TGFBR3: variants seen among roughly 807,000 people sequenced by gnomAD.
The protein encoded by TGFBR3 is transforming growth factor beta receptor 3, also known as transforming growth factor beta receptor type 3.
In TGFBR3, 46 loss-of-function variants were observed where a neutral mutation model predicts 87.9. That is an observed-to-expected ratio of 0.52 (90% CI 0.41 to 0.67). TGFBR3 has a LOEUF of 0.67. Among genes scored for constraint, TGFBR3 ranks in the 30% least tolerant of loss-of-function variants. TGFBR3 has a pLI of 0.00. For missense variants in TGFBR3, 866 were observed against 1,041.9 expected (o/e 0.83, Z 2.32); for synonymous variants, 381 against 391.6 (o/e 0.97, Z 0.32).
chr1:91,798,109 A>C (rs1176181873), intron 2 of TGFBR3, among the ~76,000 whole-genome samples: 1 of 152,146 alleles, frequency 6.6e-6, no homozygotes, highest in Admixed American at 6.6e-5. Flanking sequence ...CTCTTCCTCT[A>C]ATCAGTCAAG....
chr1:91,902,271 T>TTTTTTG (rs534984244), intron 1 of TGFBR3, among the ~76,000 whole-genome samples: 6 of 148,250 alleles, frequency 4.0e-5, no homozygotes, highest in South Asian at 2.1e-4. Flanking sequence ...TCCTTTTCTT[T>TTTTTTG]TGTGTGTGTG....
At chr1:91,762,248 A>G (rs1160223139) in intron 3 of TGFBR3, among the ~76,000 whole-genome samples, 2 of 152,094 alleles carry the variant, frequency 1.3e-5, no homozygotes, top group Non-Finnish European at 2.9e-5. Context: ...CTCCTTACCA[A>G]ACCAAACCAA....
chr1:91,869,712 C>T (rs1175472274), intron 1 of TGFBR3, among the ~76,000 whole-genome samples: 1 of 152,150 alleles, frequency 6.6e-6, no homozygotes, highest in Non-Finnish European at 1.5e-5. Flanking sequence ...TAAATTAGAA[C>T]ATTTCTCAAT....
chr1:91,835,336 T>C (rs947689495), intron 2 of TGFBR3, among the ~76,000 whole-genome samples: 4 of 152,196 alleles, frequency 2.6e-5, no homozygotes, highest in Admixed American at 6.5e-5. Flanking sequence ...AAAAATTCTA[T>C]GTAGCTCTAC....
At chr1:91,865,737 C>T (rs1380311122) in intron 1 of TGFBR3, among the ~76,000 whole-genome samples, 1 of 150,992 alleles carries the variant, frequency 6.6e-6, no homozygotes, top group South Asian at 2.1e-4. Flanking sequence ...ATGGTGAAAC[C>T]CCGTTTCTAC....
intron 14 of TGFBR3, among the ~76,000 whole-genome samples, chr1:91,699,779 C>T (rs140122374): frequency 2.1e-3 from 324 of 152,338 alleles, no homozygotes; most frequent in African/African-American, 7.3e-3. Flanking sequence ...TTCCAGAGTT[C>T]TGCCTAGCAG....
At chr1:91,753,511 G>A (rs12127644) in intron 4 of TGFBR3, among the ~76,000 whole-genome samples, 23,966 of 150,650 alleles carry the variant, frequency 0.16, 2,023 homozygotes, top group East Asian at 0.25. Context: ...GTTTCTGTGT[G>A]TATTCACAAG....
intron 3 of TGFBR3, among the ~76,000 whole-genome samples, chr1:91,773,361 T>TA (rs1674452048): frequency 6.6e-6 from 1 of 151,954 alleles, no homozygotes; most frequent in Non-Finnish European, 1.5e-5. Flanking sequence ...TTTCAGCAAC[T>TA]AATAGAGTCA....
At chr1:91,696,500 A>G (rs542215427) in intron 15 of TGFBR3, among the ~76,000 whole-genome samples, 4 of 152,348 alleles carry the variant, frequency 2.6e-5, no homozygotes, top group Non-Finnish European at 5.9e-5. Context: ...ATGGTCAGCA[A>G]AACATATAAA....
In TGFBR3 at chr1:91,893,522, A is replaced by G. The variant is rs150909040; in HGVS notation, c.-114+6115T>C. 6.5e-3 allele frequency among the ~76,000 whole-genome samples: 991 copies of G among 152,254 alleles called. 7 individuals are homozygous for G. Among genetic ancestry groups the G allele is most frequent in the Non-Finnish European group, 1.0e-2 (678 of 68,018 alleles). ...GGTCTTGAACTCCTGACCTCAAGTG[A>G]TCTGCCCATCTCGGCCTCAAAGTGC... On this transcript the variant is annotated intron_variant, in intron 2 of 17. Coordinates refer to the TGFBR3 transcript ENST00000370399.
intron 7 of TGFBR3, 127 bp from the exon 8 acceptor site, chr1:91,722,271 CCT>C (rs1229880218): frequency 1.9e-5 from 16 of 845,640 alleles, no homozygotes; most frequent in Middle Eastern, 3.5e-4. Context: ...TCTTTTGACC[CCT>C]GTTTTCCTTG....
chr1:91,764,031 G>T (rs1481206319), intron 3 of TGFBR3, among the ~76,000 whole-genome samples: 1 of 151,920 alleles, frequency 6.6e-6, no homozygotes, highest in Non-Finnish European at 1.5e-5. Context: ...ATTTCTAGAA[G>T]AATATTAATC....
At chr1:91,810,121 C>T (rs772652894) in intron 2 of TGFBR3, among the ~76,000 whole-genome samples, 16 of 152,070 alleles carry the variant, frequency 1.1e-4, no homozygotes, top group Non-Finnish European at 2.1e-4. Flanking sequence ...TACCATGGTG[C>T]GATCTGGGCT....
chr1:91,805,732 T>A (rs367999590), intron 2 of TGFBR3, among the ~76,000 whole-genome samples: 7 of 152,328 alleles, frequency 4.6e-5, no homozygotes, highest in Middle Eastern at 3.4e-3. Flanking sequence ...TAACTCTTCA[T>A]ATGTATGGTT....
At position 91,682,832 on chromosome 1, in the gene TGFBR3, T is replaced by G. The variant is rs771282350; in HGVS notation, c.*907A>C. The G allele has an allele frequency of 4.4e-6, 2 of 453,682 alleles. No homozygotes were observed. The highest frequency in any genetic ancestry group is 4.4e-6 in the Non-Finnish European group (1 of 226,528). 28.1% of individuals were successfully genotyped at this position (453,682 alleles called of 1,614,324 possible). On this transcript the variant is annotated 3_prime_UTR_variant, in exon 17 of 17. Coordinates refer to ENST00000212355, the MANE Select transcript of TGFBR3 (RefSeq NM_003243.5). ...GAAAATGAATGTGCCAGGTGACATA[T>G]TATATACTTGTACTTGCATACACAT...
rs565568713 is a variant in TGFBR3 at position 91,798,937 on chromosome 1, C to G, written c.62-1466G>C. On this transcript the variant is annotated intron_variant, in intron 2 of 16. Coordinates refer to ENST00000212355, the MANE Select transcript of TGFBR3 (RefSeq NM_003243.5). ...TTGGCTGGATTGATAGAGACATACC[C>G]AGGGGAAGAAGGAACTGGATGCTTA... Among the ~76,000 whole-genome samples, 7 of 152,254 alleles carry G rather than the reference C, an allele frequency of 4.6e-5. No individual in the cohort carries two copies. The East Asian group carries it at 1.4e-3, about 29-fold the overall frequency.
At position 91,682,911 on chromosome 1, in the gene TGFBR3, C is replaced by T. The variant is rs1179271138; in HGVS notation, c.*828G>A. 2.2e-6 allele frequency: 1 copy of T among 453,398 alleles called. No homozygotes were observed. The highest frequency in any genetic ancestry group is 4.4e-6 in the Non-Finnish European group (1 of 226,002). The allele number at this position is 453,398 out of a possible 1,614,324, so 28.1% of individuals were successfully genotyped here. On this transcript the variant is annotated 3_prime_UTR_variant, in exon 17 of 17. Transcript: ENST00000212355. ...TTGACTTTATAACTGAATTTCACCTCAAATTATACATTAATTTGCAGAACA... is the reference window on the plus strand; with the variant it reads ...TTGACTTTATAACTGAATTTCACCTTAAATTATACATTAATTTGCAGAACA...
chr1:91,905,320 T>A (rs920602583), intron 1 of TGFBR3, among the ~76,000 whole-genome samples: 2 of 152,232 alleles, frequency 1.3e-5, no homozygotes, highest in Non-Finnish European at 2.9e-5. Context: ...AAATGCTAGT[T>A]ATTTGAGCTT....
intron 2 of TGFBR3, among the ~76,000 whole-genome samples, chr1:91,807,824 A>T (rs1675890674): frequency 6.6e-6 from 1 of 152,246 alleles, no homozygotes; most frequent in African/African-American, 2.4e-5. Context: ...GAAATAGTGA[A>T]CCAGGAGATA....
Sources: allele counts gnomAD v4.1 joint callset (sites outside exome capture counted in the v4.1 genomes callset), GRCh38; gene constraint gnomAD v4.1.1; transcripts MANE v1.5; gene names NCBI Gene and HGNC (gene_info 2026-07-23, HGNC 2026-07-21).